KDR: variants seen among roughly 807,000 people sequenced by gnomAD.
The protein encoded by KDR is kinase insert domain receptor.
KDR carries 43 observed loss-of-function variants against 160.9 expected under a neutral mutation model. That is an observed-to-expected ratio of 0.27 (90% CI 0.21 to 0.34). KDR has a LOEUF of 0.34. Ranked by LOEUF, KDR falls within the 10% of genes least tolerant of loss-of-function variation. KDR has a pLI of 1.00. For missense variants in KDR, 1,469 were observed against 1,666.4 expected (o/e 0.88, Z 2.06); for synonymous variants, 617 against 600.1 (o/e 1.03, Z -0.41).
rs2110021068 is a variant in KDR, at chr4:55,102,367, T to C, written c.2129A>G (p.Asp710Gly). 1 of 1,613,624 alleles carries C rather than the reference T, an allele frequency of 6.2e-7. No individual in the cohort carries two copies. Among genetic ancestry groups the C allele is most frequent in the South Asian group, 1.1e-5 (1 of 91,084 alleles). ...WFKDNETLVEDSGIVLKDGNR... is the reference protein window; with the variant it reads ...WFKDNETLVEGSGIVLKDGNR... The stretch of plus-strand genomic sequence containing the variant: ...GATAGCCAAATTCTATTTACCTGAG[T>C]CTTCTACAAGGGTCTCATTATCTTT... The change falls in exon 14 of 30, where the codon GAC (aspartate) becomes GGC (glycine). Residue 710 changes from aspartate (D) to glycine (G), a missense_variant. Physicochemically the swap from Asp to Gly is moderately conservative, Grantham distance 94. Coordinates refer to ENST00000263923, the MANE Select transcript of KDR (RefSeq NM_002253.4).
Position 55,115,023 on chromosome 4 carries a change from A to C in KDR, c.509T>G (p.Phe170Cys). Residue 170 changes from phenylalanine to cysteine, a missense_variant, in exon 5 of 30, where the codon TTT (phenylalanine) becomes TGT (cysteine). Physicochemically the swap from Phe to Cys is radical, Grantham distance 205. Around this residue, in one of 7 missense-constraint regions of KDR, gnomAD observed 792 missense variants for 840.9 expected, o/e 0.94. Transcript: ENST00000263923. Reference protein sequence around the residue: ...SLCARYPEKRFVPDGNRISWD... With the variant: ...SLCARYPEKRCVPDGNRISWD... ...GGAAATTCTGTTACCATCAGGAACAAATCTCTTTTCTGGGTATCTCTGGGT... is the reference window on the plus strand; with the variant it reads ...GGAAATTCTGTTACCATCAGGAACACATCTCTTTTCTGGGTATCTCTGGGT... The C allele has an allele frequency of 4.3e-6, 7 of 1,613,576 alleles. No individual in the cohort carries two copies. Among genetic ancestry groups the C allele is most frequent in the Non-Finnish European group, 5.9e-6 (7 of 1,179,574 alleles).
At chr4:55,087,792 G>A in intron 26 of KDR, 34 bp from the exon 27 acceptor site, 3 of 1,610,816 alleles carry the variant, frequency 1.9e-6, no homozygotes, top group Non-Finnish European at 2.5e-6. Flanking sequence ...TGTTGTTATG[G>A]CTTCAGTTCT....
At position 55,079,378 on chromosome 4, in the gene KDR, A is replaced by C. The variant is rs1018421356; in HGVS notation, c.*563T>G. 2 of 246,448 alleles carry C rather than the reference A, an allele frequency of 8.1e-6. No homozygotes were observed. The highest frequency in any genetic ancestry group is 2.2e-5 in the African/African-American group (1 of 45,558). 15.3% of individuals were successfully genotyped at this position (246,448 alleles called of 1,614,324 possible). On this transcript the variant is annotated 3_prime_UTR_variant, in exon 30 of 30. Transcript: ENST00000263923. The stretch of plus-strand genomic sequence containing the variant: ...AACAGACCCCATGCCCACCTCCACC[A>C]GAGCAAACACAATGCATTTGCAGGC...
chr4:55,093,956 T>G (rs1040383468), intron 21 of KDR, among the ~76,000 whole-genome samples: 1 of 152,060 alleles, frequency 6.6e-6, no homozygotes, highest in South Asian at 2.1e-4. Context: ...TCCCAGCACT[T>G]TGGGAGGCTG....
intron 27 of KDR, among the ~76,000 whole-genome samples, chr4:55,084,369 T>G (rs1284005813): frequency 6.6e-6 from 1 of 152,116 alleles, no homozygotes; most frequent in African/African-American, 2.4e-5. Context: ...GCCCATGAGG[T>G]TTGGAGACAT....
intron 26 of KDR, 49 bp from the exon 27 acceptor site, chr4:55,087,807 G>A (rs200251218): frequency 6.3e-7 from 1 of 1,598,064 alleles, no homozygotes; most frequent in Non-Finnish European, 8.6e-7. Flanking sequence ...AGTTCTTCAA[G>A]TGCCTTTTCA....
chr4:55,119,693 G>A (rs1485756337), intron 2 of KDR, among the ~76,000 whole-genome samples: 1 of 152,132 alleles, frequency 6.6e-6, no homozygotes, highest in Non-Finnish European at 1.5e-5. Context: ...AGAGCAGCCA[G>A]GTAAGAGTGA....
chr4:55,087,549 C>G (rs1441052908), intron 27 of KDR, 58 bp downstream of exon 27: 16 of 1,522,180 alleles, frequency 1.1e-5, no homozygotes, highest in Non-Finnish European at 1.5e-5. Flanking sequence ...TCCAATCCCC[C>G]TCCCGAGATG....
At chr4:55,092,549 A>G (rs973553166) in intron 22 of KDR, 68 bp downstream of exon 22, 1 of 1,103,110 alleles carries the variant, frequency 9.1e-7, no homozygotes, top group Non-Finnish European at 1.4e-6. Context: ...CCAATGGCTG[A>G]CACTGGACAT....
At chr4:55,096,871 T>C (rs1463846713) in intron 18 of KDR, among the ~76,000 whole-genome samples, 2 of 152,232 alleles carry the variant, frequency 1.3e-5, no homozygotes, top group African/African-American at 4.8e-5. Context: ...TGATCCTGTA[T>C]GGACTGCTAC....
In KDR at chr4:55,118,658, T is replaced by C. The variant is rs199760220; in HGVS notation, c.304A>G (p.Lys102Glu). ...AAGTCAGTTTCCCGGTAGAAGCACT[T>C]GTAGGCTCCAGTGTCATTTCCGATC... ...KVIGNDTGAY[K>E]CFYRETDLAS... The change falls in exon 3 of 30, where the codon AAG becomes GAG. Residue 102 changes from lysine (K) to glutamate (E), a missense_variant. Coordinates refer to ENST00000263923, the MANE Select transcript of KDR (RefSeq NM_002253.4). The C allele has an allele frequency of 1.2e-5, 20 of 1,614,162 alleles. No individual in the cohort carries two copies. The East Asian group carries it at 3.8e-4, about 31-fold the overall frequency.
chr4:55,114,580 T>G (rs1437569377), intron 5 of KDR, among the ~76,000 whole-genome samples: 1 of 152,240 alleles, frequency 6.6e-6, no homozygotes, highest in East Asian at 1.9e-4. Context: ...ATTGAAATAA[T>G]TGATAGCAAG....
rs2110023189 is a variant in KDR at position 55,104,822 on chromosome 4, C to A, written c.1808G>T (p.Cys603Phe). The A allele has an allele frequency of 6.2e-7, 1 of 1,613,962 alleles. No individual in the cohort carries two copies. The highest frequency in any genetic ancestry group is 8.5e-7 in the Non-Finnish European group (1 of 1,179,896). ...IHVGELPTPV[C>F]KNLDTLWKLN... ...TTTCCAAAGAGTATCCAAGTTCTTGCAAACAGGTGTGGGCAACTCTCCCAC... is the reference window on the plus strand; with the variant it reads ...TTTCCAAAGAGTATCCAAGTTCTTGAAAACAGGTGTGGGCAACTCTCCCAC... The change falls in exon 13 of 30, where the codon TGC (cysteine) becomes TTC (phenylalanine). Residue 603 changes from cysteine to phenylalanine, a missense_variant. By Grantham distance (205) the Cys-to-Phe change is radical (BLOSUM62 -2). Transcript: ENST00000263923.
intron 21 of KDR, among the ~76,000 whole-genome samples, chr4:55,094,157 C>A (rs184342030): frequency 3.7e-4 from 56 of 152,162 alleles, no homozygotes; most frequent in African/African-American, 1.3e-3. Context: ...TTCAGTGAGC[C>A]GAGATCGCAC....
At chr4:55,121,685 A>G (rs926995632) in intron 1 of KDR, among the ~76,000 whole-genome samples, 2 of 152,150 alleles carry the variant, frequency 1.3e-5, no homozygotes, top group African/African-American at 4.8e-5. Context: ...TTCCTTTATC[A>G]ATTTTCTAGT....
intron 15 of KDR, among the ~76,000 whole-genome samples, chr4:55,101,464 C>T (rs1720307189): frequency 6.6e-6 from 1 of 152,154 alleles, no homozygotes; most frequent in Non-Finnish European, 1.5e-5. Context: ...TCTTCAAAAA[C>T]CACAGGATGT....
At chr4:55,082,075 T>A (rs2110005389) in intron 28 of KDR, 34 bp from the exon 29 acceptor site, 1 of 1,402,582 alleles carries the variant, frequency 7.1e-7, no homozygotes, top group East Asian at 2.3e-5. Context: ...CACAGTTAAT[T>A]GAGCATATAA....
chr4:55,104,359 T>C (rs1241538945), intron 13 of KDR, among the ~76,000 whole-genome samples: 2 of 152,160 alleles, frequency 1.3e-5, no homozygotes, highest in African/African-American at 4.8e-5. Context: ...TCTATTTAAA[T>C]AAATGGATGC....
chr4:55,102,978 T>C (rs1343647893), intron 13 of KDR, among the ~76,000 whole-genome samples: 1 of 152,214 alleles, frequency 6.6e-6, no homozygotes, highest in Admixed American at 6.5e-5. Context: ...AGTGATCTTA[T>C]GTAATGAGCA....
Sources: allele counts gnomAD v4.1 joint callset (sites outside exome capture counted in the v4.1 genomes callset), GRCh38; gene constraint gnomAD v4.1.1; regional missense constraint gnomAD v4.1.1; transcripts MANE v1.5; gene names NCBI Gene and HGNC (gene_info 2026-07-23, HGNC 2026-07-21).